The following M1AP variants were observed in gnomAD, a reference collection of about 807,000 sequenced individuals.
M1AP encodes meiosis 1 arrest protein.
A neutral mutation model predicts 51.2 loss-of-function variants in M1AP; 39 were observed. The observed-to-expected ratio is 0.76, with a 90% confidence interval of 0.59 to 1.00. The LOEUF (loss-of-function observed/expected upper bound fraction) is 1.00, where lower values mean the gene tolerates loss of function less well. M1AP is among the 50% of genes least tolerant of loss of function. The probability of loss-of-function intolerance (pLI) is 0.00; values close to 1 mark genes in which losing one functional copy is unlikely to be tolerated. For missense variants in M1AP, 545 were observed against 641.2 expected, an observed-to-expected ratio of 0.85 and a Z score of 1.62; for synonymous variants, 251 against 249.2, an observed-to-expected ratio of 1.01 and a Z score of -0.07.
At chr2:74,636,898 A>G (rs1683016865) in intron 2 of M1AP, among the ~76,000 whole-genome samples, 2 of 152,122 alleles carry the variant, frequency 1.3e-5, no homozygotes, top group African/African-American at 4.8e-5. Flanking sequence ...CATCTTTAAC[A>G]ATAGTTTTTA....
intron 4 of M1AP, among the ~76,000 whole-genome samples, chr2:74,582,673 C>G (rs1679481119): frequency 6.6e-6 from 1 of 152,066 alleles, no homozygotes. Context: ...CCTTTTTACT[C>G]TTCATACTTC....
intron 8 of M1AP, among the ~76,000 whole-genome samples, chr2:74,561,115 G>T (rs1573052678): frequency 7.6e-6 from 1 of 131,056 alleles, no homozygotes; most frequent in African/African-American, 2.9e-5. Context: ...GGAGGAGAAG[G>T]AGGAGGAGGA....
At chr2:74,642,532 A>G (rs889132727) in intron 1 of M1AP, among the ~76,000 whole-genome samples, 1 of 152,354 alleles carries the variant, frequency 6.6e-6, no homozygotes, top group East Asian at 1.9e-4. Flanking sequence ...CTTCATGGTG[A>G]TATGTTGAAA....
At chr2:74,622,701 T>C (rs778566454) in intron 2 of M1AP, among the ~76,000 whole-genome samples, 2 of 151,818 alleles carry the variant, frequency 1.3e-5, no homozygotes, top group South Asian at 2.1e-4. Flanking sequence ...TGGTCTGATA[T>C]GCAAGAAGGA....
chr2:74,611,882 GTTTTTTTTTTTTTTTTTT>G (rs1188013311), intron 3 of M1AP, among the ~76,000 whole-genome samples: 2 of 42,914 alleles, frequency 4.7e-5, no homozygotes, highest in African/African-American at 2.1e-4. Flanking sequence ...ACAAAAAAGT[GTTTTTTTTTTTTTTTTTT>G]TTTTTTTTTT....
intron 2 of M1AP, among the ~76,000 whole-genome samples, chr2:74,623,899 T>C (rs895445635): frequency 1.3e-5 from 2 of 152,172 alleles, no homozygotes; most frequent in Non-Finnish European, 2.9e-5. Flanking sequence ...CTCGAACTCA[T>C]GCGCTCAAGC....
At chr2:74,606,988 C>T in intron 4 of M1AP, 67 bp downstream of exon 4, 2 of 1,398,688 alleles carry the variant, frequency 1.4e-6, no homozygotes, top group Middle Eastern at 1.8e-4. Flanking sequence ...TGGTGTGCTG[C>T]ACCCATTAAC....
intron 4 of M1AP, among the ~76,000 whole-genome samples, chr2:74,598,647 CAG>C (rs1357035431): frequency 2.4e-5 from 3 of 125,258 alleles, no homozygotes; most frequent in Middle Eastern, 5.2e-3. Flanking sequence ...TTTTTTGAGA[CAG>C]AGTCTTGCTC....
At chr2:74,618,295 C>T (rs1681789281) in intron 2 of M1AP, among the ~76,000 whole-genome samples, 1 of 152,194 alleles carries the variant, frequency 6.6e-6, no homozygotes, top group African/African-American at 2.4e-5. Context: ...CACCCCAGGC[C>T]AAGAGTGCTC....
intron 10 of M1AP, among the ~76,000 whole-genome samples, chr2:74,559,164 AT>A (rs35645412): frequency 0.1 from 15,279 of 146,576 alleles, 1,375 homozygotes; most frequent in East Asian, 0.46. Flanking sequence ...GACAAAATGA[AT>A]TTTTTTTTTT....
At chr2:74,643,921 T>G (rs1168797381) in intron 1 of M1AP, among the ~76,000 whole-genome samples, 3 of 152,228 alleles carry the variant, frequency 2.0e-5, no homozygotes, top group Non-Finnish European at 4.4e-5. Flanking sequence ...TGATCTTTAT[T>G]GTGGATATTG....
intron 7 of M1AP, among the ~76,000 whole-genome samples, chr2:74,564,413 C>A (rs763670459): frequency 2.0e-5 from 3 of 152,144 alleles, no homozygotes; most frequent in Non-Finnish European, 4.4e-5. Flanking sequence ...TAGGACTTGA[C>A]TGATAATTCG....
intron 2 of M1AP, among the ~76,000 whole-genome samples, chr2:74,623,029 T>G (rs867268689): frequency 4.6e-4 from 68 of 148,750 alleles, no homozygotes; most frequent in African/African-American, 1.6e-3. Context: ...GGACAAATAG[T>G]AAACACCAAG....
chr2:74,590,104 G>C (rs1679952542), intron 4 of M1AP, among the ~76,000 whole-genome samples: 1 of 152,170 alleles, frequency 6.6e-6, no homozygotes, highest in Admixed American at 6.5e-5. Flanking sequence ...GGGAATAGTG[G>C]GTTCTATTTG....
At chr2:74,606,472 T>C (rs1216145893) in intron 4 of M1AP, among the ~76,000 whole-genome samples, 4 of 152,210 alleles carry the variant, frequency 2.6e-5, no homozygotes, top group Non-Finnish European at 1.5e-5. Flanking sequence ...ACGAGTCTGA[T>C]CTATAAACAC....
chr2:74,565,921 G>A (rs1232792870), intron 7 of M1AP, among the ~76,000 whole-genome samples: 1 of 151,700 alleles, frequency 6.6e-6, no homozygotes, highest in Non-Finnish European at 1.5e-5. Context: ...AGTAAACTAG[G>A]AGTAGAATGG....
intron 2 of M1AP, among the ~76,000 whole-genome samples, chr2:74,618,473 C>G (rs547337393): frequency 1.3e-5 from 2 of 152,188 alleles, no homozygotes; most frequent in Non-Finnish European, 2.9e-5. Flanking sequence ...TGTAGCAGGG[C>G]CCTTGAACCC....
At chr2:74,626,344 T>C (rs1392632058) in intron 2 of M1AP, among the ~76,000 whole-genome samples, 1 of 150,066 alleles carries the variant, frequency 6.7e-6, no homozygotes, top group Non-Finnish European at 1.5e-5. Flanking sequence ...CTCATGGCAC[T>C]GGGCTCAAGG....
At chr2:74,598,076 C>A (rs1000941628) in intron 4 of M1AP, among the ~76,000 whole-genome samples, 4 of 152,124 alleles carry the variant, frequency 2.6e-5, no homozygotes, top group Admixed American at 1.3e-4. Flanking sequence ...TTTATAATTT[C>A]TTTCTTTTTA....
Sources: gnomAD v4.1 joint callset for allele counts (sites outside exome capture counted in the v4.1 genomes callset) on GRCh38, gnomAD v4.1.1 for gene constraint, MANE v1.5 for transcripts, NCBI Gene and HGNC (gene_info 2026-07-23, HGNC 2026-07-21) for gene names.